Variants in USP7 observed in about 807,000 individuals in gnomAD.
USP7 encodes ubiquitin specific peptidase 7, also known as ubiquitin C-terminal hydrolase 7.
USP7 carries 9 observed loss-of-function variants against 162.9 expected under a neutral mutation model. That is an observed-to-expected ratio of 0.06 (90% confidence interval 0.03 to 0.10). The LOEUF (loss-of-function observed/expected upper bound fraction) is 0.10. USP7 is among the 10% of genes least tolerant of loss of function. USP7 has a pLI of 1.00. For synonymous variants in USP7, 562 were observed against 475.9 expected (o/e 1.18, Z -2.35); for missense variants, 715 against 1,373.7 (o/e 0.52, Z 7.58).
chr16:8,901,313 A>G (rs1362735890), intron 18 of USP7, 79 bp from the exon 19 acceptor site: 2 of 822,600 alleles, frequency 2.4e-6, no homozygotes, highest in African/African-American at 3.8e-5. Context: ...CAAACAAACA[A>G]AAAAACGAAA....
chr16:8,961,966 AGCCACTTT>A (rs1026575595), intron 1 of USP7, among the ~76,000 whole-genome samples: 1 of 152,172 alleles, frequency 6.6e-6, no homozygotes, highest in African/African-American at 2.4e-5. Flanking sequence ...GCAGAATCCC[AGCCACTTT>A]GTCATTTGCA....
At chr16:8,936,350 TCCTCTCTTGA>T (rs879385235) in intron 1 of USP7, among the ~76,000 whole-genome samples, 9 of 152,156 alleles carry the variant, frequency 5.9e-5, no homozygotes, top group African/African-American at 2.2e-4. Context: ...TTCTGCATGG[TCCTCTCTTGA>T]CCTCTCATCT....
Position 8,903,407 on chromosome 16 carries a change from A to G in USP7, c.1705-5T>C. ...AAACTGGTCCTCTGCGACTATCTGAAAATATGTATGAAAGCACAGAAAAGA... is the reference window on the plus strand; with the variant it reads ...AAACTGGTCCTCTGCGACTATCTGAGAATATGTATGAAAGCACAGAAAAGA... On this transcript the variant is annotated splice_region_variant and splice_polypyrimidine_tract_variant and intron_variant, in intron 15 of 30. Transcript: ENST00000344836. The G allele has an allele frequency of 6.2e-7, 1 of 1,613,000 alleles. No homozygotes were observed. The highest frequency in any genetic ancestry group is 2.2e-5 in the East Asian group (1 of 44,846).
At chr16:8,929,845 T>A (rs1456809543) in intron 2 of USP7, among the ~76,000 whole-genome samples, 1 of 152,206 alleles carries the variant, frequency 6.6e-6, no homozygotes, top group Non-Finnish European at 1.5e-5. Context: ...AAAGCTTGAA[T>A]CTGATTTCAT....
At chr16:8,925,669 G>T (rs1897947037) in intron 2 of USP7, among the ~76,000 whole-genome samples, 1 of 152,144 alleles carries the variant, frequency 6.6e-6, no homozygotes, top group African/African-American at 2.4e-5. Context: ...GCCCCCGAGT[G>T]TGGCACTGCC....
chr16:8,951,605 G>C (rs9926137), intron 1 of USP7, among the ~76,000 whole-genome samples: 37,415 of 152,162 alleles, frequency 0.25, 5,507 homozygotes, highest in African/African-American at 0.42. Flanking sequence ...GAGCGCATGA[G>C]GCTATACTTA....
chr16:8,900,046 A>G (rs2061749472), intron 21 of USP7: 3 of 480,386 alleles, frequency 6.2e-6, no homozygotes, highest in Non-Finnish European at 1.1e-5. Flanking sequence ...ACAGGAGCAG[A>G]CCCAGACGCA....
At chr16:8,902,634 A>T in intron 16 of USP7, 152 bp from the exon 17 acceptor site, 1 of 693,118 alleles carries the variant, frequency 1.4e-6, no homozygotes, top group Non-Finnish European at 2.2e-6. Context: ...TCTCGCCTGT[A>T]ATCCCAGCAC....
At chr16:8,895,277 C>T (rs2061664082) in intron 27 of USP7, 127 bp from the exon 28 acceptor site, 1 of 1,424,750 alleles carries the variant, frequency 7.0e-7, no homozygotes, top group African/African-American at 1.4e-5. Context: ...AACGCCACAC[C>T]TGGATCCAGC....
intron 25 of USP7, 67 bp downstream of exon 25, chr16:8,898,293 G>A (rs900110398): frequency 1.5e-6 from 2 of 1,292,008 alleles, no homozygotes; most frequent in South Asian, 1.3e-5. Context: ...TTCAATGTCT[G>A]GGGACAGGTA....
intron 1 of USP7, among the ~76,000 whole-genome samples, chr16:8,932,065 C>A (rs1048190533): frequency 6.6e-6 from 1 of 152,138 alleles, no homozygotes; most frequent in Non-Finnish European, 1.5e-5. Flanking sequence ...CTCACCTCCC[C>A]CTCCAAGAAC....
chr16:8,913,841 C>G (rs1170380359), intron 10 of USP7, among the ~76,000 whole-genome samples: 1 of 151,918 alleles, frequency 6.6e-6, no homozygotes, highest in African/African-American at 2.4e-5. Flanking sequence ...GACTTAAACT[C>G]CAGGGCTCAA....
intron 25 of USP7, chr16:8,897,320 C>T (rs1567206107): frequency 2.0e-6 from 1 of 509,030 alleles, no homozygotes; most frequent in Admixed American, 3.6e-5. Flanking sequence ...GGGAGGTTAA[C>T]AAAAGTGGCC....
At chr16:8,934,744 G>C (rs1174544405) in intron 1 of USP7, among the ~76,000 whole-genome samples, 2 of 152,242 alleles carry the variant, frequency 1.3e-5, no homozygotes, top group Non-Finnish European at 2.9e-5. Context: ...GTCAAGGCCA[G>C]TGGCTGTGAA....
chr16:8,947,262 T>C lies in USP7; in HGVS notation c.79+15945A>G, dbSNP rs1228898056. Among the ~76,000 whole-genome samples the C allele has an allele frequency of 5.3e-5, 8 of 152,200 alleles. 1 individual carries two copies. Among genetic ancestry groups the C allele is most frequent in the Admixed American group, 5.2e-4 (8 of 15,272 alleles). On this transcript the variant is annotated intron_variant, in intron 1 of 30. Transcript: ENST00000344836. ...CTCTCAATACACTTTTGGAAAATAA[T>C]TATTTTTTATACAACATTACTTGGA...
In USP7 at chr16:8,930,359, G is replaced by C. The variant is rs1319317174; in HGVS notation, c.118C>G (p.Pro40Ala). Residue 40 changes from proline (P) to alanine (A), a missense_variant, in exon 2 of 31, where the codon CCT (proline) becomes GCT (alanine). By Grantham distance (27) the Pro-to-Ala change is conservative (BLOSUM62 -1). Around this residue, in one of 11 missense-constraint regions of USP7, gnomAD observed 137 missense variants for 123.5 expected, o/e 1.11. Transcript: ENST00000344836. ...TDDPPRITQN[P>A]VINGNVALSD... The stretch of plus-strand genomic sequence containing the variant: ...AGGGCCACATTCCCATTGATCACAG[G>C]GTTCTGAGTAATTCTTGGTGGGTCA... The C allele has an allele frequency of 6.2e-7, 1 of 1,612,830 alleles. No individual in the cohort carries two copies. Among genetic ancestry groups the C allele is most frequent in the African/African-American group, 1.3e-5 (1 of 74,814 alleles).
At chr16:8,928,582 C>A (rs969299967) in intron 2 of USP7, among the ~76,000 whole-genome samples, 1 of 152,164 alleles carries the variant, frequency 6.6e-6, no homozygotes, top group African/African-American at 2.4e-5. Flanking sequence ...CCCTCAGCTA[C>A]AAGTTCTTCT....
intron 10 of USP7, among the ~76,000 whole-genome samples, chr16:8,911,823 A>G (rs2061951235): frequency 6.6e-6 from 1 of 152,178 alleles, no homozygotes; most frequent in Non-Finnish European, 1.5e-5. Context: ...CGAGGAAATT[A>G]CCTGGGGCAA....
intron 14 of USP7, among the ~76,000 whole-genome samples, chr16:8,904,788 AAAAAT>A (rs994044889): frequency 6.6e-6 from 1 of 151,488 alleles, no homozygotes; most frequent in Admixed American, 6.6e-5. Context: ...TACTAAAAAA[AAAAAT>A]AAAATAAAAA....
Sources: allele counts gnomAD v4.1 joint callset (sites outside exome capture counted in the v4.1 genomes callset), GRCh38; gene constraint gnomAD v4.1.1; regional missense constraint gnomAD v4.1.1; transcripts MANE v1.5; gene names NCBI Gene and HGNC (gene_info 2026-07-23, HGNC 2026-07-21).